Variants in FILIP1L observed in about 807,000 individuals in gnomAD.
FILIP1L encodes filamin A interacting protein 1 like.
Under a neutral mutation model 96.6 loss-of-function variants are expected in FILIP1L, and 55 were observed. The observed-to-expected ratio is 0.57, with a 90% confidence interval of 0.46 to 0.71. FILIP1L has a LOEUF of 0.71. Ranked by LOEUF, FILIP1L falls within the 30% of genes least tolerant of loss-of-function variation. The pLI, the probability that FILIP1L is intolerant of heterozygous loss-of-function variation, is 0.00. For synonymous variants in FILIP1L, 467 were observed against 473.9 expected, an observed-to-expected ratio of 0.99 and a Z score of 0.19; for missense variants, 1,304 against 1,321.2, an observed-to-expected ratio of 0.99 and a Z score of 0.20.
intron 1 of FILIP1L, among the ~76,000 whole-genome samples, chr3:100,006,660 A>AG (rs1482635997): frequency 6.6e-6 from 1 of 152,094 alleles, no homozygotes; most frequent in East Asian, 1.9e-4. Context: ...CTTTCCAAAA[A>AG]AAAAAAAAAA....
chr3:100,030,386 C>T (rs1179520217), intron 1 of FILIP1L, among the ~76,000 whole-genome samples: 1 of 152,074 alleles, frequency 6.6e-6, no homozygotes, highest in African/African-American at 2.4e-5. Flanking sequence ...ACTCATTGTC[C>T]TCTAAGAGCT....
At chr3:99,998,864 C>G (rs538991818) in intron 1 of FILIP1L, among the ~76,000 whole-genome samples, 2 of 152,150 alleles carry the variant, frequency 1.3e-5, no homozygotes, top group Admixed American at 6.5e-5. Context: ...CCACCGCGCC[C>G]GGCCATGGTT....
chr3:100,085,393 C>G (rs1404608115), intron 1 of FILIP1L, among the ~76,000 whole-genome samples: 1 of 152,114 alleles, frequency 6.6e-6, no homozygotes, highest in Non-Finnish European at 1.5e-5. Context: ...CTGACTTTTA[C>G]TATAATAGCA....
At position 99,971,162 on chromosome 3, in the gene FILIP1L, C is replaced by G. The variant is rs1031271571; in HGVS notation, c.-10-40132G>C. Among the ~76,000 whole-genome samples the G allele has an allele frequency of 8.5e-5, 13 of 152,138 alleles. No homozygotes were observed. The East Asian group carries it at 2.3e-3, about 27-fold the overall frequency. ...ACCATCCTGGCTAACATGGTGAAAC[C>G]CCGTCTCTACTAAAAATACAAAAAA... is the stretch of plus-strand genomic sequence containing the variant. On this transcript the variant is annotated intron_variant, in intron 1 of 5. Transcript: ENST00000477258.
chr3:100,051,822 AAAAC>A (rs2065379027), intron 1 of FILIP1L, among the ~76,000 whole-genome samples: 1 of 150,070 alleles, frequency 6.7e-6, no homozygotes, highest in African/African-American at 2.4e-5. Flanking sequence ...TATATTTCTA[AAAAC>A]AAACATTTTA....
intron 1 of FILIP1L, among the ~76,000 whole-genome samples, chr3:99,951,446 A>T (rs548235208): frequency 1.0e-3 from 159 of 152,214 alleles, no homozygotes; most frequent in Non-Finnish European, 2.0e-3. Flanking sequence ...GATTGAATGA[A>T]TGAGGTTGTC....
intron 1 of FILIP1L, among the ~76,000 whole-genome samples, chr3:100,065,246 G>A (rs2065644005): frequency 1.3e-5 from 2 of 152,132 alleles, no homozygotes; most frequent in African/African-American, 4.8e-5. Context: ...GTTTTAATTA[G>A]CTCCTATGTT....
At chr3:100,113,034 T>G (rs773665681) in intron 1 of FILIP1L, among the ~76,000 whole-genome samples, 1 of 152,238 alleles carries the variant, frequency 6.6e-6, no homozygotes, top group Admixed American at 6.5e-5. Context: ...TTCTCCTTTA[T>G]GCATATCTAA....
chr3:99,943,657 T>C (rs1457855628), intron 1 of FILIP1L, among the ~76,000 whole-genome samples: 2 of 151,462 alleles, frequency 1.3e-5, no homozygotes, highest in Non-Finnish European at 2.9e-5. Context: ...TGATCCGAGA[T>C]CACGCCACTG....
Position 99,897,369 on chromosome 3 carries a change from C to CA in FILIP1L, c.605+26860dup, listed in dbSNP as rs200872436. Among the ~76,000 whole-genome samples, 938 of 134,052 alleles carry CA rather than the reference C, an allele frequency of 7.0e-3. 4 individuals carry two copies. The highest frequency in any genetic ancestry group is 8.4e-3 in the South Asian group (36 of 4,276). The allele number at this position is 134,052 out of a possible 152,430, so 87.9% of individuals were successfully genotyped here. ...GGGGGACAAGAGCTAGACTTTGTCT[C>CA]AAAAAAAAAAAAAGTTGGCTTACTT... is the stretch of plus-strand genomic sequence containing the variant. On this transcript the variant is annotated intron_variant, in intron 4 of 5. Coordinates refer to ENST00000477258, the MANE Select transcript of FILIP1L (RefSeq NM_001387850.1).
intron 4 of FILIP1L, among the ~76,000 whole-genome samples, chr3:99,916,363 G>GTT (rs1706950222): frequency 6.6e-6 from 1 of 151,742 alleles, no homozygotes; most frequent in Admixed American, 6.6e-5. Flanking sequence ...TGGGTCTCCA[G>GTT]TTTGAAGACA....
chr3:99,889,363 C>A (rs2107612427), intron 4 of FILIP1L, among the ~76,000 whole-genome samples: 1 of 152,064 alleles, frequency 6.6e-6, no homozygotes, highest in Non-Finnish European at 1.5e-5. Flanking sequence ...ACTTTAAGTT[C>A]ATTTTGTTTG....
At position 99,940,303 on chromosome 3, in the gene FILIP1L, A is replaced by G. The variant is rs117074122; in HGVS notation, c.-10-9273T>C. Among the ~76,000 whole-genome samples the G allele has an allele frequency of 6.5e-4, 99 of 152,370 alleles. 1 individual carries two copies. In the East Asian group the frequency reaches 0.018, roughly 28 times the overall value. ...TTAAATGCCACACTTCCAACCCTAG[A>G]TCAGAGCTCTTGAAAATCATATGAT... is the stretch of plus-strand genomic sequence containing the variant. On this transcript the variant is annotated intron_variant, in intron 1 of 5. Coordinates refer to ENST00000477258, the MANE Select transcript of FILIP1L (RefSeq NM_001387850.1).
At position 99,849,557 on chromosome 3, in the gene FILIP1L, C is replaced by T; in HGVS notation, c.2119G>A (p.Glu707Lys). ...HEQWLFKRLQ[E>K]EEAKSGHLSR... ...AGGTGCCCTGACTTAGCTTCTTCTT[C>T]TTGAAGCCTTTTGAAAAGCCATTGT... Residue 707 changes from glutamate (E) to lysine (K), a missense_variant, in exon 5 of 6, where the codon GAA becomes AAA. Physicochemically the swap from Glu to Lys is moderately conservative, Grantham distance 56 (BLOSUM62 1). Transcript: ENST00000477258. 6.2e-7 allele frequency: 1 copy of T among 1,613,458 alleles called. No homozygotes were observed. The highest frequency in any genetic ancestry group is 8.5e-7 in the Non-Finnish European group (1 of 1,179,902).
At position 99,930,038 on chromosome 3, in the gene FILIP1L, A is replaced by C; in HGVS notation, c.253-9T>G. 1 of 1,590,930 alleles carries C rather than the reference A, an allele frequency of 6.3e-7. No individual in the cohort carries two copies. Among genetic ancestry groups the C allele is most frequent in the Non-Finnish European group, 8.5e-7 (1 of 1,170,300 alleles). ...ATGACCTCATCTCGAGCCTGTAGGAACAAAAAGTATTTCAGAAAGCCTGCT... is the reference window on the plus strand; with the variant it reads ...ATGACCTCATCTCGAGCCTGTAGGACCAAAAAGTATTTCAGAAAGCCTGCT... On this transcript the variant is annotated splice_polypyrimidine_tract_variant and intron_variant, in intron 2 of 5. Transcript: ENST00000477258.
intron 1 of FILIP1L, among the ~76,000 whole-genome samples, chr3:100,022,467 C>G (rs1340681573): frequency 4.6e-5 from 7 of 152,168 alleles, no homozygotes; most frequent in Non-Finnish European, 7.4e-5. Context: ...ATTGCACATC[C>G]CATTACAGAA....
chr3:99,979,889 A>G (rs1387953419), intron 1 of FILIP1L, among the ~76,000 whole-genome samples: 1 of 152,156 alleles, frequency 6.6e-6, no homozygotes, highest in Non-Finnish European at 1.5e-5. Flanking sequence ...CTTAAAAGAG[A>G]GAGAGCGGGA....
chr3:99,933,405 G>A (rs942340530), intron 1 of FILIP1L, among the ~76,000 whole-genome samples: 1 of 152,160 alleles, frequency 6.6e-6, no homozygotes, highest in Non-Finnish European at 1.5e-5. Flanking sequence ...AGGAATGGGA[G>A]GTTGGGGATG....
intron 3 of FILIP1L, 90 bp downstream of exon 3, chr3:99,929,765 TA>T: frequency 1.1e-6 from 1 of 917,532 alleles, no homozygotes; most frequent in Non-Finnish European, 1.6e-6. Context: ...AGTAAAACTG[TA>T]AGGAATCAAA....
Sources: allele counts gnomAD v4.1 joint callset (sites outside exome capture counted in the v4.1 genomes callset), GRCh38; gene constraint gnomAD v4.1.1; transcripts MANE v1.5; gene names NCBI Gene and HGNC (gene_info 2026-07-23, HGNC 2026-07-21).